WDFY3: variants seen among roughly 807,000 people sequenced by gnomAD.
WDFY3 encodes the protein WD repeat and FYVE domain containing 3.
WDFY3 carries 66 observed loss-of-function variants against 409.6 expected under a neutral mutation model. That is an observed-to-expected ratio of 0.16 (90% CI 0.13 to 0.20). The LOEUF is 0.20. Among genes scored for constraint, WDFY3 ranks in the 10% least tolerant of loss-of-function variants. The pLI is 1.00. For synonymous variants in WDFY3, 1,521 were observed against 1,537.1 expected, an observed-to-expected ratio of 0.99 and a Z score of 0.25; for missense variants, 3,031 against 4,298.1, an observed-to-expected ratio of 0.71 and a Z score of 8.24.
At chr4:84,817,695 G>T in intron 12 of WDFY3, 110 bp from the exon 13 acceptor site, 2 of 1,026,784 alleles carry the variant, frequency 1.9e-6, no homozygotes, top group Non-Finnish European at 2.8e-6. Context: ...TCATAATAAT[G>T]TAAATAAAAC....
intron 10 of WDFY3, among the ~76,000 whole-genome samples, chr4:84,824,835 A>G (rs1754617558): frequency 6.6e-6 from 1 of 152,184 alleles, no homozygotes; most frequent in African/African-American, 2.4e-5. Context: ...GATCCTTGCA[A>G]TAATGCTAAA....
chr4:84,753,559 G>C, intron 35 of WDFY3, 138 bp downstream of exon 35: 1 of 941,942 alleles, frequency 1.1e-6, no homozygotes, highest in Non-Finnish European at 1.5e-6. Flanking sequence ...TGCAAGAGGT[G>C]ATGTATAAAG....
intron 13 of WDFY3, among the ~76,000 whole-genome samples, chr4:84,810,638 G>T (rs192029705): frequency 1.2e-4 from 18 of 152,238 alleles, no homozygotes; most frequent in Admixed American, 1.1e-3. Context: ...TGACATCAAT[G>T]AATTCAGTGA....
rs201387655 is a variant in WDFY3 at position 84,787,617 on chromosome 4, G to A, written c.3766C>T (p.Arg1256Cys). 6.0e-5 allele frequency: 97 copies of A among 1,614,052 alleles called. No homozygotes were observed. The highest frequency in any genetic ancestry group is 6.7e-5 in the East Asian group (3 of 44,884). ...CGCCAAACCAATGAGGCAATTTGGC[G>A]TTGGGCAGGTGGAGTACCAATGTAG... ...YAYIGTPPAQ[R>C]QIASLVWRLG... is the part of the protein sequence containing the mutation. The change falls in exon 23 of 68, where the codon CGC becomes TGC. Residue 1256 changes from arginine to cysteine, a missense_variant. This residue lies in a region of WDFY3 where 1,322 missense variants were observed against 1,697.9 expected (regional missense o/e 0.78). Coordinates refer to ENST00000295888, the MANE Select transcript of WDFY3 (RefSeq NM_014991.6).
intron 44 of WDFY3, among the ~76,000 whole-genome samples, chr4:84,729,529 T>TA (rs986303462): frequency 6.6e-5 from 10 of 152,076 alleles, no homozygotes; most frequent in Middle Eastern, 3.4e-3. Flanking sequence ...TTATAGTTGA[T>TA]AAACTATTAA....
In WDFY3 at chr4:84,831,252, T is replaced by C. The variant is rs544063821; in HGVS notation, c.769+161A>G. 5.5e-4 allele frequency among the ~76,000 whole-genome samples: 83 copies of C among 151,610 alleles called. No individual in the cohort carries two copies. In the South Asian group the frequency reaches 0.01, roughly 19 times the overall value. On this transcript the variant is annotated intron_variant, in intron 8 of 67. Transcript: ENST00000295888. ...TGAGGAGAATGTTTTACATTTGAAATGCCCCACAGATGAAAAAAAATATTT... is the reference window on the plus strand; with the variant it reads ...TGAGGAGAATGTTTTACATTTGAAACGCCCCACAGATGAAAAAAAATATTT...
chr4:84,914,514 G>A (rs1768216210), intron 2 of WDFY3, among the ~76,000 whole-genome samples: 1 of 152,138 alleles, frequency 6.6e-6, no homozygotes, highest in Non-Finnish European at 1.5e-5. Context: ...TTCGACTGGA[G>A]GGGCACTGGC....
At chr4:84,848,370 A>G (rs1758408020) in intron 5 of WDFY3, among the ~76,000 whole-genome samples, 1 of 152,196 alleles carries the variant, frequency 6.6e-6, no homozygotes, top group Non-Finnish European at 1.5e-5. Flanking sequence ...AAATTCTGAG[A>G]CAAAATGATT....
At chr4:84,702,060 G>C (rs892489930) in intron 56 of WDFY3, among the ~76,000 whole-genome samples, 1 of 152,102 alleles carries the variant, frequency 6.6e-6, no homozygotes, top group Non-Finnish European at 1.5e-5. Flanking sequence ...CCAGGCTGGC[G>C]TGCAGTTCAC....
intron 1 of WDFY3, among the ~76,000 whole-genome samples, chr4:84,953,013 A>G (rs1238982975): frequency 6.6e-6 from 1 of 152,158 alleles, no homozygotes; most frequent in Non-Finnish European, 1.5e-5. Flanking sequence ...TTATGGCCAA[A>G]GTATGGAAAC....
At chr4:84,876,889 T>C (rs537763144) in intron 3 of WDFY3, among the ~76,000 whole-genome samples, 40 of 152,324 alleles carry the variant, frequency 2.6e-4, no homozygotes, top group Admixed American at 6.5e-4. Context: ...CTTACGTATC[T>C]CCTGATAAAA....
chr4:84,839,791 G>C (rs1224743327), intron 6 of WDFY3, among the ~76,000 whole-genome samples: 1 of 151,962 alleles, frequency 6.6e-6, no homozygotes, highest in Non-Finnish European at 1.5e-5. Context: ...CTGGGAGGCG[G>C]AGGTTGCAGT....
chr4:84,712,405 C>T (rs1272052420), intron 51 of WDFY3, among the ~76,000 whole-genome samples: 1 of 136,406 alleles, frequency 7.3e-6, no homozygotes, highest in African/African-American at 2.7e-5. Context: ...AGAAGAATCA[C>T]ATTTCCAGTC....
In WDFY3 at chr4:84,718,830, T is replaced by C. The variant is rs545871861; in HGVS notation, c.7606-260A>G. 3.3e-5 allele frequency among the ~76,000 whole-genome samples: 5 copies of C among 152,280 alleles called. No individual in the cohort carries two copies. In the South Asian group the frequency reaches 6.2e-4, roughly 19 times the overall value. On this transcript the variant is annotated intron_variant, in intron 47 of 67. Transcript: ENST00000295888. ...TTATGTAGGCCAGGCAAACATGCGC[T>C]AGCTTCTAAAAGTCAAGAACATTAG...
intron 24 of WDFY3, among the ~76,000 whole-genome samples, chr4:84,785,521 AC>A (rs1382844612): frequency 6.6e-6 from 1 of 151,984 alleles, no homozygotes; most frequent in Non-Finnish European, 1.5e-5. Flanking sequence ...TCACCTTCTA[AC>A]ATACTTCATG....
chr4:84,961,151 G>A (rs1259098225), intron 1 of WDFY3, among the ~76,000 whole-genome samples: 1 of 151,192 alleles, frequency 6.6e-6, no homozygotes, highest in Non-Finnish European at 1.5e-5. Context: ...AGAGGTGGAG[G>A]CTGCAGTGAG....
chr4:84,804,421 T>C (rs901458123), intron 15 of WDFY3, among the ~76,000 whole-genome samples: 7 of 152,152 alleles, frequency 4.6e-5, no homozygotes, highest in Non-Finnish European at 7.4e-5. Context: ...AGCAAAGAAT[T>C]GGCACTGCCG....
At chr4:84,704,272 A>G in intron 55 of WDFY3, 66 bp downstream of exon 55, 1 of 1,158,002 alleles carries the variant, frequency 8.6e-7, no homozygotes, top group South Asian at 1.7e-5. Flanking sequence ...TGATGTTTTA[A>G]AAGGTGACAT....
chr4:84,871,005 C>A (rs1167855604), intron 3 of WDFY3, among the ~76,000 whole-genome samples: 1 of 151,816 alleles, frequency 6.6e-6, no homozygotes, highest in Non-Finnish European at 1.5e-5. Context: ...GAAGATAGGT[C>A]AACAGAAACT....
Sources: allele counts gnomAD v4.1 joint callset (sites outside exome capture counted in the v4.1 genomes callset), GRCh38; gene constraint gnomAD v4.1.1; regional missense constraint gnomAD v4.1.1; transcripts MANE v1.5; gene names NCBI Gene and HGNC (gene_info 2026-07-23, HGNC 2026-07-21).